RFX3: variants seen among roughly 807,000 people sequenced by gnomAD.
RFX3 encodes the protein regulatory factor X3.
Under a neutral mutation model 98.6 loss-of-function variants are expected in RFX3, and 14 were observed. The ratio of observed to expected loss-of-function variants is 0.14; its 90% CI spans 0.09 to 0.22. The LOEUF (loss-of-function observed/expected upper bound fraction) is 0.22. Among genes scored for constraint, RFX3 ranks in the 10% least tolerant of loss-of-function variants. RFX3 has a pLI of 1.00. For synonymous variants in RFX3, 383 were observed against 328.4 expected, an observed-to-expected ratio of 1.17 and a Z score of -1.80; for missense variants, 639 against 926.9, an observed-to-expected ratio of 0.69 and a Z score of 4.03.
In RFX3 at chr9:3,383,616, T is replaced by TA. The variant is rs1388222459; in HGVS notation, c.117+11855dup. Among the ~76,000 whole-genome samples, 5 of 152,218 alleles carry TA rather than the reference T, an allele frequency of 3.3e-5. No individual in the cohort carries two copies. The East Asian group carries it at 9.7e-4, about 29-fold the overall frequency. On this transcript the variant is annotated intron_variant, in intron 2 of 16. Coordinates refer to ENST00000617270, the MANE Select transcript of RFX3 (RefSeq NM_001282116.2). The stretch of plus-strand genomic sequence containing the variant: ...GACTTAAGACTTAGCACTGAGTTAC[T>TA]ACGCAGCCAGGACAAAGAGAGTGGC...
rs769350125 is a variant in RFX3 at position 3,256,983 on chromosome 9, G to A, written c.1814+8C>T. Reference sequence around the variant, plus strand: ...AAGAAGAAAGCCTAGGAAAAACCTAGATGATACCTGTAGAAAGACCATTTT... The same window carrying A: ...AAGAAGAAAGCCTAGGAAAAACCTAAATGATACCTGTAGAAAGACCATTTT... On this transcript the variant is annotated splice_region_variant and intron_variant, in intron 14 of 16. Coordinates refer to ENST00000617270, the MANE Select transcript of RFX3 (RefSeq NM_001282116.2). 1.2e-6 allele frequency: 2 copies of A among 1,613,278 alleles called. No individual in the cohort carries two copies. The highest frequency in any genetic ancestry group is 2.2e-5 in the South Asian group (2 of 91,060).
At chr9:3,383,793 G>C (rs1457968418) in intron 2 of RFX3, among the ~76,000 whole-genome samples, 1 of 152,102 alleles carries the variant, frequency 6.6e-6, no homozygotes, top group Non-Finnish European at 1.5e-5. Flanking sequence ...GTTCTGCATG[G>C]GGATGGGGGT....
chr9:3,299,912 T>C (rs1000364586), intron 5 of RFX3, among the ~76,000 whole-genome samples: 2 of 151,680 alleles, frequency 1.3e-5, no homozygotes, highest in African/African-American at 4.8e-5. Flanking sequence ...CATATTTTAC[T>C]AAGTTATTCA....
chr9:3,425,468 T>A (rs1177628021), intron 1 of RFX3, among the ~76,000 whole-genome samples: 1 of 152,216 alleles, frequency 6.6e-6, no homozygotes. Context: ...AACCTTATGA[T>A]TCAACATTTT....
chr9:3,515,761 G>C (rs936252577), intron 1 of RFX3, among the ~76,000 whole-genome samples: 4 of 152,108 alleles, frequency 2.6e-5, no homozygotes, highest in Non-Finnish European at 5.9e-5. Flanking sequence ...AAAGATGAAA[G>C]TTATACTGAA....
At chr9:3,356,944 C>T (rs977396933) in intron 2 of RFX3, among the ~76,000 whole-genome samples, 14 of 141,648 alleles carry the variant, frequency 9.9e-5, no homozygotes, top group African/African-American at 3.9e-4. Context: ...TGATTAAACA[C>T]ACACACACAT....
At chr9:3,335,917 C>T (rs982826653) in intron 3 of RFX3, among the ~76,000 whole-genome samples, 1 of 152,128 alleles carries the variant, frequency 6.6e-6, no homozygotes, top group Non-Finnish European at 1.5e-5. Context: ...CTTACTTATT[C>T]ACTAGGATGA....
chr9:3,230,557 AAAC>A (rs928267415), intron 15 of RFX3, among the ~76,000 whole-genome samples: 1 of 152,226 alleles, frequency 6.6e-6, no homozygotes, highest in Non-Finnish European at 1.5e-5. Context: ...AATATAATCT[AAAC>A]AACAAAAACC....
At chr9:3,244,459 C>T (rs1027310362) in intron 15 of RFX3, among the ~76,000 whole-genome samples, 5 of 152,102 alleles carry the variant, frequency 3.3e-5, no homozygotes, top group African/African-American at 1.2e-4. Context: ...ACTTTTTATC[C>T]TAATTCAATT....
intron 3 of RFX3, among the ~76,000 whole-genome samples, chr9:3,338,012 C>G (rs959698607): frequency 6.6e-6 from 1 of 152,110 alleles, no homozygotes; most frequent in Non-Finnish European, 1.5e-5. Flanking sequence ...AACAGATATT[C>G]TCAAGACTGA....
chr9:3,295,331 T>C (rs768911392), intron 5 of RFX3, among the ~76,000 whole-genome samples: 85 of 152,166 alleles, frequency 5.6e-4, no homozygotes, highest in Non-Finnish European at 1.0e-3. Flanking sequence ...ATGATTGAGA[T>C]TGGGAAGCAC....
chr9:3,253,130 C>G (rs1222053649), intron 14 of RFX3, among the ~76,000 whole-genome samples: 1 of 152,156 alleles, frequency 6.6e-6, no homozygotes, highest in African/African-American at 2.4e-5. Context: ...TTATAATGGA[C>G]AAGAAATATC....
intron 7 of RFX3, among the ~76,000 whole-genome samples, chr9:3,282,985 A>T (rs1342839423): frequency 6.6e-6 from 1 of 151,836 alleles, no homozygotes; most frequent in Non-Finnish European, 1.5e-5. Flanking sequence ...ACTCAGGAGC[A>T]TAAGTGGTGA....
intron 1 of RFX3, among the ~76,000 whole-genome samples, chr9:3,510,928 C>T (rs868349943): frequency 6.6e-6 from 1 of 151,946 alleles, no homozygotes; most frequent in East Asian, 1.9e-4. Flanking sequence ...TTATATATAA[C>T]CCTTTGAGAA....
At chr9:3,289,655 A>G (rs1333034259) in intron 6 of RFX3, among the ~76,000 whole-genome samples, 2 of 152,088 alleles carry the variant, frequency 1.3e-5, no homozygotes, top group Non-Finnish European at 2.9e-5. Flanking sequence ...GTTTCCTACA[A>G]ATTAACATTT....
At chr9:3,356,148 G>A (rs1835723386) in intron 2 of RFX3, among the ~76,000 whole-genome samples, 1 of 138,502 alleles carries the variant, frequency 7.2e-6, no homozygotes, top group African/African-American at 2.7e-5. Context: ...ATCAAATCTA[G>A]AATAAGTGGA....
At chr9:3,498,129 C>CCTTTTCA (rs1851243267) in intron 1 of RFX3, among the ~76,000 whole-genome samples, 1 of 152,074 alleles carries the variant, frequency 6.6e-6, no homozygotes, top group African/African-American at 2.4e-5. Context: ...GAATTAATCT[C>CCTTTTCA]CTTTTCACGT....
chr9:3,312,903 A>C (rs1830133562), intron 4 of RFX3, among the ~76,000 whole-genome samples: 1 of 152,250 alleles, frequency 6.6e-6, no homozygotes, highest in Admixed American at 6.5e-5. Flanking sequence ...CAGATCAAGG[A>C]GGCCTGCCTG....
At chr9:3,241,213 A>C (rs1018555008) in intron 15 of RFX3, among the ~76,000 whole-genome samples, 1 of 113,604 alleles carries the variant, frequency 8.8e-6, no homozygotes, top group Non-Finnish European at 1.8e-5. Flanking sequence ...TTTTTGGTCT[A>C]GGAGTTTTTT....
Sources: allele counts gnomAD v4.1 joint callset (sites outside exome capture counted in the v4.1 genomes callset), GRCh38; gene constraint gnomAD v4.1.1; transcripts MANE v1.5; gene names NCBI Gene and HGNC (gene_info 2026-07-23, HGNC 2026-07-21).